BLK: variants seen among roughly 807,000 people sequenced by gnomAD.
BLK encodes tyrosine-protein kinase Blk.
In BLK, 64 loss-of-function variants were observed where a neutral mutation model predicts 61.8. The observed-to-expected ratio is 1.03, with a 90% CI of 0.85 to 1.27. The LOEUF (loss-of-function observed/expected upper bound fraction) is 1.27, where lower values mean the gene tolerates loss of function less well. BLK is among the 50% of genes most tolerant of loss of function. The pLI, the probability that BLK is intolerant of heterozygous loss-of-function variation, is 0.00. For missense variants in BLK, 853 were observed against 660.5 expected (o/e 1.29, Z -3.19); for synonymous variants, 351 against 272.0 (o/e 1.29, Z -2.86).
At chr8:11,543,473 A>C (rs1800483936) in intron 2 of BLK, 126 bp downstream of exon 2, 2 of 1,336,288 alleles carry the variant, frequency 1.5e-6, no homozygotes, top group Non-Finnish European at 2.1e-6. Context: ...TGCAATGTAT[A>C]AGCAGGTGTG....
intron 1 of BLK, among the ~76,000 whole-genome samples, chr8:11,532,694 A>T (rs1264138035): frequency 6.6e-6 from 1 of 152,102 alleles, no homozygotes. Flanking sequence ...AAATGTGTGC[A>T]ATTTCTGCTC....
At chr8:11,519,834 T>G (rs547147480) in intron 1 of BLK, among the ~76,000 whole-genome samples, 10 of 152,358 alleles carry the variant, frequency 6.6e-5, no homozygotes, top group African/African-American at 2.4e-4. Flanking sequence ...GATTTGAGTT[T>G]CATAAACAAC....
rs577913778 is a variant in BLK at position 11,546,624 on chromosome 8, G to GC, written c.175+522dup. Among the ~76,000 whole-genome samples the GC allele has an allele frequency of 3.0e-3, 455 of 152,240 alleles. 1 individual carries two copies. The highest frequency in any genetic ancestry group is 0.014 in the Middle Eastern group (4 of 294). On this transcript the variant is annotated intron_variant, in intron 3 of 12. Coordinates refer to ENST00000259089, the MANE Select transcript of BLK (RefSeq NM_001715.3). ...GAGTCTCGCTCTTGTCACCCAGGCTGCAGTGCAGTGACCCAACCTCAGCTC... is the reference window on the plus strand; with the variant it reads ...GAGTCTCGCTCTTGTCACCCAGGCTGCCAGTGCAGTGACCCAACCTCAGCTC...
At chr8:11,509,766 C>T (rs902973546) in intron 1 of BLK, 8 of 152,130 alleles carry the variant, frequency 5.3e-5, no homozygotes, top group African/African-American at 1.7e-4. Flanking sequence ...TTATATAATA[C>T]CCTAGAAAAT....
At chr8:11,526,654 G>A (rs749274408) in intron 1 of BLK, among the ~76,000 whole-genome samples, 2 of 152,346 alleles carry the variant, frequency 1.3e-5, no homozygotes, top group African/African-American at 2.4e-5. Flanking sequence ...GGGAGGTGGA[G>A]GTTGCAGTGA....
chr8:11,524,428 G>C (rs1235543527), intron 1 of BLK, among the ~76,000 whole-genome samples: 1 of 152,136 alleles, frequency 6.6e-6, no homozygotes, highest in Non-Finnish European at 1.5e-5. Context: ...AAATGAGATT[G>C]AAAAGTAAAA....
Position 11,549,982 on chromosome 8 carries a change from G to C in BLK, c.369-177G>C, listed in dbSNP as rs1394885549. ...GACAGGAAGCGGAACTGGAAGGGCA[G>C]CGGGGCAGAGGGCACTGACTCCATC... On this transcript the variant is annotated intron_variant, in intron 5 of 12. Coordinates refer to ENST00000259089, the MANE Select transcript of BLK (RefSeq NM_001715.3). 6.0e-6 allele frequency: 4 copies of C among 670,244 alleles called. No individual in the cohort carries two copies. In the African/African-American group the frequency reaches 7.1e-5, roughly 12 times the overall value. 41.5% of individuals were successfully genotyped at this position (670,244 alleles called of 1,614,324 possible).
chr8:11,535,178 TGAAA>T (rs377268174), intron 1 of BLK, among the ~76,000 whole-genome samples: 13 of 109,630 alleles, frequency 1.2e-4, no homozygotes, highest in East Asian at 8.1e-4. Flanking sequence ...GACAGATGAA[TGAAA>T]GAAAGAAAGA....
chr8:11,561,475 A>G (rs1272243537), intron 11 of BLK, 23 bp downstream of exon 11: 2 of 1,611,200 alleles, frequency 1.2e-6, no homozygotes, highest in Non-Finnish European at 1.7e-6. Flanking sequence ...CCTAACCACA[A>G]GGGAAACCTA....
intron 1 of BLK, among the ~76,000 whole-genome samples, chr8:11,523,508 G>T (rs1408711230): frequency 6.6e-6 from 1 of 152,122 alleles, no homozygotes. Context: ...AGCTGCGATG[G>T]CGCCACTATA....
At chr8:11,526,957 T>A (rs1380098061) in intron 1 of BLK, among the ~76,000 whole-genome samples, 2 of 152,248 alleles carry the variant, frequency 1.3e-5, no homozygotes, top group African/African-American at 4.8e-5. Flanking sequence ...CAAGGTTTTA[T>A]GAAGCCTCTT....
At chr8:11,498,163 C>G (rs1798424249) in intron 1 of BLK, among the ~76,000 whole-genome samples, 1 of 152,204 alleles carries the variant, frequency 6.6e-6, no homozygotes, top group Non-Finnish European at 1.5e-5. Flanking sequence ...GAACCTGGAC[C>G]AGTGGGAGGC....
At chr8:11,552,603 T>C (rs776947107) in intron 6 of BLK, 2 of 152,242 alleles carry the variant, frequency 1.3e-5, no homozygotes, top group Non-Finnish European at 2.9e-5. Context: ...AATTATCAAC[T>C]GAGCCAGTCT....
chr8:11,520,581 G>A (rs1051858602), intron 1 of BLK, among the ~76,000 whole-genome samples: 8 of 150,228 alleles, frequency 5.3e-5, no homozygotes, highest in Admixed American at 2.6e-4. Context: ...CCCTGTAAAA[G>A]CTTGTTGTAA....
At position 11,538,022 on chromosome 8, in the gene BLK, C is replaced by T. The variant is rs140216400; in HGVS notation, c.-1-5202C>T. ...ACTCCCCCGACTAGACACACATGCA[C>T]ACGGTGCACATGCATGCTCTCTCAC... On this transcript the variant is annotated intron_variant, in intron 1 of 12. Coordinates refer to ENST00000259089, the MANE Select transcript of BLK (RefSeq NM_001715.3). Among the ~76,000 whole-genome samples, 561 of 152,256 alleles carry T rather than the reference C, an allele frequency of 3.7e-3. 5 individuals carry two copies. Among genetic ancestry groups the T allele is most frequent in the Non-Finnish European group, 5.9e-3 (403 of 67,978 alleles).
chr8:11,534,737 G>A (rs951535665), intron 1 of BLK, among the ~76,000 whole-genome samples: 4 of 152,170 alleles, frequency 2.6e-5, no homozygotes, highest in African/African-American at 7.2e-5. Flanking sequence ...AAAGTCACAG[G>A]TTGGCATTGC....
At chr8:11,543,392 C>G in intron 2 of BLK, 45 bp downstream of exon 2, 1 of 1,607,988 alleles carries the variant, frequency 6.2e-7, no homozygotes, top group Non-Finnish European at 8.5e-7. Flanking sequence ...ACTTACTTCT[C>G]CTATGCCTTA....
intron 10 of BLK, chr8:11,558,847 G>T (rs367928336): frequency 2.2e-6 from 1 of 455,508 alleles, no homozygotes; most frequent in East Asian, 7.0e-5. Flanking sequence ...AGCTGCCACC[G>T]AGAGGAAACG....
chr8:11,543,435 G>T lies in BLK; in HGVS notation c.123+88G>T, dbSNP rs2245232. 712,096 of 1,553,642 alleles carry T rather than the reference G, an allele frequency of 0.46. 171,828 individuals are homozygous for T. Among genetic ancestry groups the T allele is most frequent in the Non-Finnish European group, 0.5 (577,847 of 1,150,626 alleles). ...AGTTTGTAAAATGGGTATAGCAAAAGTGCCTTCCTGATAGGGATGTAACGA... is the reference window on the plus strand; with the variant it reads ...AGTTTGTAAAATGGGTATAGCAAAATTGCCTTCCTGATAGGGATGTAACGA... On this transcript the variant is annotated intron_variant, in intron 2 of 12. Coordinates refer to ENST00000259089, the MANE Select transcript of BLK (RefSeq NM_001715.3).
Sources: gnomAD v4.1 joint callset for allele counts (sites outside exome capture counted in the v4.1 genomes callset) on GRCh38, gnomAD v4.1.1 for gene constraint, MANE v1.5 for transcripts, NCBI Gene and HGNC (gene_info 2026-07-23, HGNC 2026-07-21) for gene names.